NPHP4: variants seen among roughly 807,000 people sequenced by gnomAD.
The protein encoded by NPHP4 is nephrocystin 4, also known as nephrocystin-4.
Under a neutral mutation model 155.8 loss-of-function variants are expected in NPHP4, and 151 were observed. The ratio of observed to expected loss-of-function variants is 0.97; its 90% confidence interval spans 0.85 to 1.11. The LOEUF (loss-of-function observed/expected upper bound fraction) is 1.11. Among genes scored for constraint, NPHP4 ranks in the 50% least tolerant of loss-of-function variants. The probability of loss-of-function intolerance (pLI) is 0.00; values close to 1 mark genes in which losing one functional copy is unlikely to be tolerated. For missense variants in NPHP4, 1,956 were observed against 1,925.7 expected, an observed-to-expected ratio of 1.02 and a Z score of -0.29; for synonymous variants, 845 against 816.8, an observed-to-expected ratio of 1.03 and a Z score of -0.59.
rs745687119 is a variant in NPHP4, at chr1:5,874,675, C to T, written c.3045-18G>A. ...CGATGACGCTGGGGGAGGCAGTGTC[C>T]AGGCGTCAGGGCAGTTCTTCCCAGG... On this transcript the variant is annotated intron_variant, in intron 21 of 29. Coordinates refer to ENST00000378156, the MANE Select transcript of NPHP4 (RefSeq NM_015102.5). 1.1e-5 allele frequency: 17 copies of T among 1,608,710 alleles called. No individual in the cohort carries two copies. Among genetic ancestry groups the T allele is most frequent in the Non-Finnish European group, 1.4e-5 (17 of 1,178,530 alleles).
chr1:5,906,862 T>C (rs928140913), intron 13 of NPHP4, among the ~76,000 whole-genome samples: 1 of 152,214 alleles, frequency 6.6e-6, no homozygotes. Flanking sequence ...TTTTCATGGG[T>C]AGAGCACAAT....
chr1:5,966,857 C>T (rs954547816), intron 5 of NPHP4, among the ~76,000 whole-genome samples: 2 of 152,312 alleles, frequency 1.3e-5, no homozygotes, highest in African/African-American at 2.4e-5. Flanking sequence ...TGCCTGGGAA[C>T]GGCTGGTCAC....
chr1:5,875,328 A>C (rs1327108718), intron 20 of NPHP4, among the ~76,000 whole-genome samples: 1 of 130,010 alleles, frequency 7.7e-6, no homozygotes, highest in African/African-American at 3.5e-5. Context: ...TGTCCCTGAC[A>C]CGGAGGTCCA....
chr1:5,971,793 T>G (rs2047811), intron 3 of NPHP4, among the ~76,000 whole-genome samples: 127,048 of 152,140 alleles, frequency 0.84, 53,208 homozygotes, highest in African/African-American at 0.92. Context: ...GAAACTGCAC[T>G]ATTAAAAGGT....
intron 11 of NPHP4, among the ~76,000 whole-genome samples, chr1:5,924,716 G>A (rs1343931223): frequency 1.2e-4 from 18 of 152,032 alleles, no homozygotes; most frequent in Admixed American, 5.2e-4. Context: ...GTGCACTGGC[G>A]TAATCACGGC....
intron 1 of NPHP4, among the ~76,000 whole-genome samples, chr1:5,986,812 C>T (rs996817577): frequency 2.6e-5 from 4 of 152,090 alleles, no homozygotes; most frequent in South Asian, 2.1e-4. Flanking sequence ...TGGCTGGTTC[C>T]GGATGGGGAC....
chr1:5,874,456 G>C lies in NPHP4; in HGVS notation c.3231+15C>G. 6.6e-7 allele frequency: 1 copy of C among 1,508,440 alleles called. No individual in the cohort carries two copies. The highest frequency in any genetic ancestry group is 8.9e-7 in the Non-Finnish European group (1 of 1,125,152). 93.4% of individuals were successfully genotyped at this position (1,508,440 alleles called of 1,614,324 possible). A position where few individuals can be genotyped will look rare whatever the true frequency, so the allele number is the denominator to read the frequency against. ...TCAGCCAAATGCAACTTCCCTGTGT[G>C]CCTGACACCCGCACCTGCACCATGG... On this transcript the variant is annotated intron_variant, in intron 22 of 29. Transcript: ENST00000378156.
intron 3 of NPHP4, 146 bp downstream of exon 3, chr1:5,978,124 A>T (rs894095602): frequency 1.4e-6 from 1 of 716,634 alleles, no homozygotes; most frequent in Admixed American, 2.8e-5. Context: ...TTGCCGCTAG[A>T]CTAAGCTCTG....
At chr1:5,869,045 G>GC (rs1207696848) in intron 23 of NPHP4, among the ~76,000 whole-genome samples, 22 of 93,988 alleles carry the variant, frequency 2.3e-4, no homozygotes, top group Non-Finnish European at 3.6e-4. Flanking sequence ...ATGCACACAT[G>GC]CCCCCACACG....
chr1:5,941,289 C>CAAAAAAAAAAAAAA (rs66676950), intron 9 of NPHP4, among the ~76,000 whole-genome samples: 2 of 44,776 alleles, frequency 4.5e-5, no homozygotes, highest in South Asian at 1.2e-3. Flanking sequence ...GAGATCTAGA[C>CAAAAAAAAAAAAAA]AAAAAAAAAA....
At chr1:5,877,966 A>T (rs1642793223) in intron 19 of NPHP4, among the ~76,000 whole-genome samples, 1 of 152,228 alleles carries the variant, frequency 6.6e-6, no homozygotes, top group African/African-American at 2.4e-5. Context: ...CTTCCTTCCG[A>T]CACAGAGCAG....
chr1:5,980,118 T>G (rs1041079667), intron 2 of NPHP4, among the ~76,000 whole-genome samples: 7 of 152,110 alleles, frequency 4.6e-5, no homozygotes, highest in Non-Finnish European at 8.8e-5. Flanking sequence ...CCCGTCCAGC[T>G]GCCCACCCTC....
At position 5,880,161 on chromosome 1, in the gene NPHP4, G is replaced by A; in HGVS notation, c.2564C>T (p.Ala855Val). 1.9e-6 allele frequency: 3 copies of A among 1,613,602 alleles called. No individual in the cohort carries two copies. The highest frequency in any genetic ancestry group is 2.5e-6 in the Non-Finnish European group (3 of 1,179,732). ...SRSRVISNDG[A>V]SRFSGGSLLT... ...GAGGCTGCCTCCAGAGAAGCGGCTGGCTCCATCGTTTGAGATGACCCGAGA... is the reference window on the plus strand; with the variant it reads ...GAGGCTGCCTCCAGAGAAGCGGCTGACTCCATCGTTTGAGATGACCCGAGA... The change falls in exon 19 of 30, where the codon GCC (alanine) becomes GTC (valine). Residue 855 changes from alanine to valine, a missense_variant. Coordinates refer to ENST00000378156, the MANE Select transcript of NPHP4 (RefSeq NM_015102.5).
intron 16 of NPHP4, among the ~76,000 whole-genome samples, chr1:5,893,276 G>A (rs1009474995): frequency 6.6e-6 from 1 of 152,098 alleles, no homozygotes; most frequent in African/African-American, 2.4e-5. Context: ...TGGGCCCAGG[G>A]GACCACTACC....
At chr1:5,964,656 C>T (rs1651009967) in intron 5 of NPHP4, among the ~76,000 whole-genome samples, 1 of 151,790 alleles carries the variant, frequency 6.6e-6, no homozygotes, top group African/African-American at 2.4e-5. Flanking sequence ...GTGAGGGCTC[C>T]CTTCTCCACT....
intron 27 of NPHP4, 115 bp from the exon 28 acceptor site, chr1:5,864,632 G>A (rs958390257): frequency 5.8e-5 from 59 of 1,025,944 alleles, no homozygotes; most frequent in Middle Eastern, 3.2e-4. Flanking sequence ...GGGTGGTTCC[G>A]GGGCGGCCAA....
At chr1:5,958,502 C>T (rs1000691028) in intron 6 of NPHP4, among the ~76,000 whole-genome samples, 1 of 152,180 alleles carries the variant, frequency 6.6e-6, no homozygotes, top group African/African-American at 2.4e-5. Context: ...CGAGACCTGC[C>T]TGGCCAACGT....
Position 5,978,425 on chromosome 1 carries a change from C to T in NPHP4, c.136-12G>A, listed in dbSNP as rs371432148. The T allele has an allele frequency of 4.4e-5, 71 of 1,595,550 alleles. No homozygotes were observed. The highest frequency in any genetic ancestry group is 2.4e-4 in the African/African-American group (18 of 74,584). The stretch of plus-strand genomic sequence containing the variant: ...ACCTCCAGCACGCCCTAGGAGACAA[C>T]GGGGAATTGACCCTCAAGAGTCTGA... On this transcript the variant is annotated splice_polypyrimidine_tract_variant and intron_variant, in intron 2 of 29. Coordinates refer to ENST00000378156, the MANE Select transcript of NPHP4 (RefSeq NM_015102.5).
At position 5,890,587 on chromosome 1, in the gene NPHP4, C is replaced by T. The variant is rs904305310; in HGVS notation, c.2304+281G>A. 1.3e-5 allele frequency among the ~76,000 whole-genome samples: 2 copies of T among 152,174 alleles called. No individual in the cohort carries two copies. Among genetic ancestry groups the T allele is most frequent in the Non-Finnish European group, 2.9e-5 (2 of 68,032 alleles). On this transcript the variant is annotated intron_variant, in intron 17 of 29. Coordinates refer to ENST00000378156, the MANE Select transcript of NPHP4 (RefSeq NM_015102.5). The surrounding 1 kb of genome is among the most constrained non-coding windows in gnomAD (Gnocchi z 4.9). ...CACCACATGGGAGGAGATGAAGTGA[C>T]ACTGCCTGGTAGGTCAGTTTGCAGG...
Sources: gnomAD v4.1 joint callset for allele counts (sites outside exome capture counted in the v4.1 genomes callset) on GRCh38, gnomAD v4.1.1 for gene constraint, Gnocchi (gnomAD v3.1) non-coding constraint, MANE v1.5 for transcripts, NCBI Gene and HGNC (gene_info 2026-07-23, HGNC 2026-07-21) for gene names.